Variants in EPHB3 observed in about 807,000 individuals in gnomAD.
The protein encoded by EPHB3 is EPH receptor B3.
In EPHB3, 33 loss-of-function variants were observed where a neutral mutation model predicts 100.2. The observed-to-expected ratio is 0.33, with a 90% CI of 0.25 to 0.44. EPHB3 has a LOEUF of 0.44. EPHB3 is among the 20% of genes least tolerant of loss of function. EPHB3 has a pLI of 1.00. For missense variants in EPHB3, 1,045 were observed against 1,378.3 expected, an observed-to-expected ratio of 0.76 and a Z score of 3.83; for synonymous variants, 526 against 554.7, an observed-to-expected ratio of 0.95 and a Z score of 0.73.
rs561956210 is a variant in EPHB3, at chr3:184,573,950, A to G, written c.856+774A>G. On this transcript the variant is annotated intron_variant, in intron 3 of 15. Coordinates refer to ENST00000330394, the MANE Select transcript of EPHB3 (RefSeq NM_004443.4). The surrounding 1 kb of genome is among the most constrained non-coding windows in gnomAD (Gnocchi z 4.5). ...GGCTGGTCTCGAACTCCTGACCTCAAGTGATCCACCCGCCTCGGCCTCCCA... is the reference window on the plus strand; with the variant it reads ...GGCTGGTCTCGAACTCCTGACCTCAGGTGATCCACCCGCCTCGGCCTCCCA... 6.6e-5 allele frequency among the ~76,000 whole-genome samples: 10 copies of G among 152,190 alleles called. No homozygotes were observed. Among genetic ancestry groups the G allele is most frequent in the African/African-American group, 2.4e-4 (10 of 41,532 alleles).
Position 184,571,494 on chromosome 3 carries a change from C to T in EPHB3, c.183+112C>T, listed in dbSNP as rs1714539809. 3.7e-6 allele frequency: 4 copies of T among 1,095,570 alleles called. No individual in the cohort carries two copies. Among genetic ancestry groups the T allele is most frequent in the Non-Finnish European group, 5.5e-6 (4 of 730,994 alleles). 67.9% of individuals were successfully genotyped at this position (1,095,570 alleles called of 1,614,324 possible). On this transcript the variant is annotated intron_variant, in intron 2 of 15. Transcript: ENST00000330394. This position sits in a 1 kb window ranked among gnomAD's most constrained non-coding sequence, Gnocchi z 5.0. ...GGCCTGGAGGAGGGCTGCCTCTGCC[C>T]TCTGCCTGTCACCCTCACTTCCTGT...
intron 4 of EPHB3, among the ~76,000 whole-genome samples, chr3:184,576,334 G>C (rs114946814): frequency 0.023 from 3,521 of 152,212 alleles, 129 homozygotes; most frequent in African/African-American, 0.081. Context: ...CCCTCCGTCT[G>C]TATAGAAGTG....
In EPHB3 at chr3:184,577,527, C is replaced by T; in HGVS notation, c.1479+60C>T. 1 of 1,605,554 alleles carries T rather than the reference C, an allele frequency of 6.2e-7. No homozygotes were observed. Among genetic ancestry groups the T allele is most frequent in the South Asian group, 1.1e-5 (1 of 89,732 alleles). ...CTGAGCTGGGCTGAGAAAATTACCC[C>T]CGGATCATGATGGGGCCCTTGGGAG... is the stretch of plus-strand genomic sequence containing the variant. On this transcript the variant is annotated intron_variant, in intron 6 of 15. Transcript: ENST00000330394. The surrounding 1 kb of genome is among the most constrained non-coding windows in gnomAD (Gnocchi z 4.9).
intron 1 of EPHB3, among the ~76,000 whole-genome samples, chr3:184,568,852 C>T (rs1714463052): frequency 6.6e-6 from 1 of 152,224 alleles, no homozygotes; most frequent in Admixed American, 6.5e-5. Flanking sequence ...GAGCGATGGC[C>T]AAGGCTGAGC....
Position 184,577,941 on chromosome 3 carries a change from G to T in EPHB3, c.1683G>T (p.Val561=), listed in dbSNP as rs2108439110. 1 of 1,614,040 alleles carries T rather than the reference G, an allele frequency of 6.2e-7. No individual in the cohort carries two copies. Among genetic ancestry groups the T allele is most frequent in the Non-Finnish European group, 8.5e-7 (1 of 1,179,980 alleles). Residue 561 remains valine, a synonymous_variant, in exon 8 of 16, where the codon GTG becomes GTT. Transcript: ENST00000330394. The surrounding 1 kb of genome is among the most constrained non-coding windows in gnomAD (Gnocchi z 4.9). ...TCCAGGAGCAGCTTCCCCTCATCGT[G>T]GGCTCCGCTACAGCTGGGCTTGTCT... is the stretch of plus-strand genomic sequence containing the variant. The part of the protein sequence containing the change: ...QQLQEQLPLI[V]GSATAGLVFV...
chr3:184,575,949 CG>C lies in EPHB3; in HGVS notation c.977del (p.Arg326LeufsTer21). ...CTGCACCTGCCACAATAACTTCTAC[CG>C]TGCAGACTCGGACTCTGCGGACAGT... ...SICTCHNNFY[R>X]ADSDSADSAC... On this transcript the variant is annotated frameshift_variant, in exon 4 of 16. Transcript: ENST00000330394. LOFTEE classifies it high-confidence loss of function. The C allele has an allele frequency of 6.2e-7, 1 of 1,613,826 alleles. No homozygotes were observed. The highest frequency in any genetic ancestry group is 1.1e-5 in the South Asian group (1 of 91,034).
rs1403175729 is a variant in EPHB3, at chr3:184,582,000, GC to G, written c.*384del. On this transcript the variant is annotated 3_prime_UTR_variant, in exon 16 of 16. Transcript: ENST00000330394. ...AGGGCCCAGCCCTGGCAGGGGTCTG[GC>G]CCCCCAGGTAGGCGGAGAGCAGTCC... is the stretch of plus-strand genomic sequence containing the variant. 2 of 182,618 alleles carry G rather than the reference GC, an allele frequency of 1.1e-5. No homozygotes were observed. Among genetic ancestry groups the G allele is most frequent in the Non-Finnish European group, 2.3e-5 (2 of 87,830 alleles). The allele number at this position is 182,618 out of a possible 1,614,324, so 11.3% of individuals were successfully genotyped here. A position where few individuals can be genotyped will look rare whatever the true frequency, so the allele number is the denominator to read the frequency against.
Position 184,579,469 on chromosome 3 carries a change from C to G in EPHB3, c.1802-8C>G. 1.2e-6 allele frequency: 2 copies of G among 1,612,564 alleles called. No individual in the cohort carries two copies. Among genetic ancestry groups the G allele is most frequent in the East Asian group, 2.2e-5 (1 of 44,802 alleles). On this transcript the variant is annotated splice_region_variant and splice_polypyrimidine_tract_variant and intron_variant, in intron 9 of 15. Coordinates refer to ENST00000330394, the MANE Select transcript of EPHB3 (RefSeq NM_004443.4). The surrounding 1 kb of genome is among the most constrained non-coding windows in gnomAD (Gnocchi z 5.2). ...TTACCCTCTCACGCCCACCTCTTCT[C>G]CCTCCAGTTGCTCCTGGAATGAAGG... is the stretch of plus-strand genomic sequence containing the variant.
rs1476460856 is a variant in EPHB3 at position 184,573,867 on chromosome 3, G to A, written c.856+691G>A. On this transcript the variant is annotated intron_variant, in intron 3 of 15. Transcript: ENST00000330394. The surrounding 1 kb of genome is among the most constrained non-coding windows in gnomAD (Gnocchi z 4.5). The stretch of plus-strand genomic sequence containing the variant: ...TGAGTAGTTGGGATTACAGGCATGT[G>A]CCACCACACCCAGCTAATTTTGTAT... Among the ~76,000 whole-genome samples, 2 of 152,006 alleles carry A rather than the reference G, an allele frequency of 1.3e-5. No homozygotes were observed. The highest frequency in any genetic ancestry group is 1.3e-4 in the Admixed American group (2 of 15,262).
Position 184,581,723 on chromosome 3 carries a change from G to A in EPHB3, c.*101G>A. 1 of 1,215,410 alleles carries A rather than the reference G, an allele frequency of 8.2e-7. No homozygotes were observed. Among genetic ancestry groups the A allele is most frequent in the African/African-American group, 1.5e-5 (1 of 64,856 alleles). The allele number at this position is 1,215,410 out of a possible 1,614,324, so 75.3% of individuals were successfully genotyped here. A position where few individuals can be genotyped will look rare whatever the true frequency, so the allele number is the denominator to read the frequency against. On this transcript the variant is annotated 3_prime_UTR_variant, in exon 16 of 16. Transcript: ENST00000330394. ...TTTGGATGCCTGGCCTTAGGCTGTG[G>A]CCCAGAAGCTGGAAGTTTGGGAAAG... is the stretch of plus-strand genomic sequence containing the variant.
intron 4 of EPHB3, 146 bp downstream of exon 4, chr3:184,576,131 G>A: frequency 6.8e-6 from 8 of 1,170,156 alleles, no homozygotes; most frequent in Non-Finnish European, 9.2e-6. Flanking sequence ...GCTCAACATG[G>A]CACAACTGGG....
rs1465000174 is a variant in EPHB3 at position 184,577,644 on chromosome 3, T to C, written c.1480-14T>C. On this transcript the variant is annotated splice_polypyrimidine_tract_variant and intron_variant, in intron 6 of 15. Transcript: ENST00000330394. This position sits in a 1 kb window ranked among gnomAD's most constrained non-coding sequence, Gnocchi z 4.9. The stretch of plus-strand genomic sequence containing the variant: ...GACCCACCTGAGGGTGCCCCCTCTC[T>C]CCTGGCATTGCAGAGCGAGGGCATC... The C allele has an allele frequency of 6.3e-7, 1 of 1,582,324 alleles. No individual in the cohort carries two copies. The highest frequency in any genetic ancestry group is 1.7e-5 in the Admixed American group (1 of 58,498).
In EPHB3 at chr3:184,577,714, G is replaced by C. The variant is rs539147958; in HGVS notation, c.1536G>C (p.Gly512=). The part of the protein sequence containing the change: ...TSQMNSVQLD[G]LRPDARYVVQ... The stretch of plus-strand genomic sequence containing the variant: ...AGATGAACTCCGTGCAGCTGGACGG[G>C]CTTCGGCCTGACGCCCGCTATGTGG... Residue 512 remains glycine (G), a synonymous_variant, in exon 7 of 16, where the codon GGG becomes GGC. Coordinates refer to ENST00000330394, the MANE Select transcript of EPHB3 (RefSeq NM_004443.4). The surrounding 1 kb of genome is among the most constrained non-coding windows in gnomAD (Gnocchi z 4.9). 1 of 1,611,168 alleles carries C rather than the reference G, an allele frequency of 6.2e-7. No individual in the cohort carries two copies. Among genetic ancestry groups the C allele is most frequent in the East Asian group, 2.2e-5 (1 of 44,804 alleles).
At chr3:184,564,950 C>T (rs1714346245) in intron 1 of EPHB3, among the ~76,000 whole-genome samples, 1 of 152,042 alleles carries the variant, frequency 6.6e-6, no homozygotes, top group Non-Finnish European at 1.5e-5. Context: ...TTTGGTCTGC[C>T]CTTGGCCTTG....
chr3:184,579,207 C>T lies in EPHB3; in HGVS notation c.1802-270C>T, dbSNP rs1044408324. The stretch of plus-strand genomic sequence containing the variant: ...TTGGAATAGTGTGAGTGTTGAAGGC[C>T]TGGACAAGGTCGGGGCAGTGGGAAC... On this transcript the variant is annotated intron_variant, in intron 9 of 15. Coordinates refer to ENST00000330394, the MANE Select transcript of EPHB3 (RefSeq NM_004443.4). This position sits in a 1 kb window ranked among gnomAD's most constrained non-coding sequence, Gnocchi z 5.2. 1.3e-5 allele frequency among the ~76,000 whole-genome samples: 2 copies of T among 152,078 alleles called. No individual in the cohort carries two copies. Among genetic ancestry groups the T allele is most frequent in the African/African-American group, 4.8e-5 (2 of 41,390 alleles).
At position 184,572,627 on chromosome 3, in the gene EPHB3, CAGCGGGTCTACGTGG is replaced by C; in HGVS notation, c.311_325del (p.Arg104_Glu108del). ...GGGGTTCATCTGGCGGCGGGATGTG[CAGCGGGTCTACGTGG>C]AGCTCAAGTTCACTGTGCGTGACTG... On this transcript the variant is annotated inframe_deletion, in exon 3 of 16. Coordinates refer to ENST00000330394, the MANE Select transcript of EPHB3 (RefSeq NM_004443.4). The surrounding 1 kb of genome is among the most constrained non-coding windows in gnomAD (Gnocchi z 6.6). 1 of 1,558,268 alleles carries C rather than the reference CAGCGGGTCTACGTGG, an allele frequency of 6.4e-7. No homozygotes were observed.
chr3:184,568,164 C>T (rs1034591557), intron 1 of EPHB3, among the ~76,000 whole-genome samples: 1 of 152,126 alleles, frequency 6.6e-6, no homozygotes, highest in Non-Finnish European at 1.5e-5. Context: ...GCTGCTGCCA[C>T]GTGGCTGCTC....
chr3:184,564,773 C>G (rs1393789858), intron 1 of EPHB3, among the ~76,000 whole-genome samples: 1 of 152,120 alleles, frequency 6.6e-6, no homozygotes. Context: ...TGCCTGTCCT[C>G]CCTCCTGTAT....
chr3:184,563,718 G>A lies in EPHB3; in HGVS notation c.118+1365G>A, dbSNP rs140435912. ...ACATGTGTGTGATAGGATCGCAGGC[G>A]TGAGAACCCAGTGTGGGGCTTTGTT... On this transcript the variant is annotated intron_variant, in intron 1 of 15. Transcript: ENST00000330394. This position sits in a 1 kb window ranked among gnomAD's most constrained non-coding sequence, Gnocchi z 4.1. Among the ~76,000 whole-genome samples the A allele has an allele frequency of 3.0e-3, 452 of 152,316 alleles. 3 individuals are homozygous for A. The highest frequency in any genetic ancestry group is 0.011 in the African/African-American group (440 of 41,574).
Sources: allele counts gnomAD v4.1 joint callset (sites outside exome capture counted in the v4.1 genomes callset), GRCh38; gene constraint gnomAD v4.1.1; non-coding constraint Gnocchi (gnomAD v3.1); transcripts MANE v1.5; gene names NCBI Gene and HGNC (gene_info 2026-07-23, HGNC 2026-07-21).